The following CEP57 variants were observed in gnomAD, a reference collection of about 807,000 sequenced individuals.
CEP57 encodes the protein centrosomal protein of 57 kDa.
Under a neutral mutation model 68.0 loss-of-function variants are expected in CEP57, and 40 were observed. The observed-to-expected ratio is 0.59, with a 90% CI of 0.46 to 0.77. CEP57 has a LOEUF of 0.77. CEP57 is among the 30% of genes least tolerant of loss of function. The pLI is 0.00. For synonymous variants in CEP57, 219 were observed against 198.7 expected (o/e 1.10, Z -0.86); for missense variants, 606 against 580.7 (o/e 1.04, Z -0.45).
chr11:95,794,224 A>G lies in CEP57; in HGVS notation c.45+3481A>G, dbSNP rs1464697253. 4 of 454,792 alleles carry G rather than the reference A, an allele frequency of 8.8e-6. No homozygotes were observed. In the East Asian group the frequency reaches 2.1e-4, roughly 24 times the overall value. 28.2% of individuals were successfully genotyped at this position (454,792 alleles called of 1,614,324 possible). ...GATTTTTCTTTTTTTTTTCCAGACC[A>G]GAGGCTGGGCTCTGGATTACAGCTC... is the stretch of plus-strand genomic sequence containing the variant. On this transcript the variant is annotated intron_variant, in intron 1 of 10. Transcript: ENST00000325542.
chr11:95,801,621 T>C (rs1414248367), intron 2 of CEP57, among the ~76,000 whole-genome samples: 1 of 151,984 alleles, frequency 6.6e-6, no homozygotes, highest in Non-Finnish European at 1.5e-5. Flanking sequence ...TTGTATCTAG[T>C]TCTGATCTTT....
Position 95,828,035 on chromosome 11 carries a change from T to G in CEP57, c.1127+8T>G, listed in dbSNP as rs377005136. The G allele has an allele frequency of 2.5e-6, 4 of 1,610,782 alleles. No homozygotes were observed. Among genetic ancestry groups the G allele is most frequent in the African/African-American group, 1.3e-5 (1 of 74,770 alleles). ...ATTTGGGCAAATGAGCTTGTGAGTTTTTGTTTTTTTTTTTAAATTCAGTTT... is the reference window on the plus strand; with the variant it reads ...ATTTGGGCAAATGAGCTTGTGAGTTGTTGTTTTTTTTTTTAAATTCAGTTT... On this transcript the variant is annotated splice_region_variant and intron_variant, in intron 9 of 10. Transcript: ENST00000325542.
Position 95,790,724 on chromosome 11 carries a change from C to G in CEP57, c.26C>G (p.Ala9Gly), listed in dbSNP as rs1171650821. Reference sequence around the variant, plus strand: ...ATGGCGGCGGCGTCTGTCTCTGCGGCTTCTGGTTCTCACTTGTCGGTAAGA... The same window carrying G: ...ATGGCGGCGGCGTCTGTCTCTGCGGGTTCTGGTTCTCACTTGTCGGTAAGA... MAAASVSA[A>G]SGSHLSNSFA... Residue 9 changes from alanine (A) to glycine (G), a missense_variant, in exon 1 of 11, where the codon GCT (alanine) becomes GGT (glycine). By Grantham distance (60) the Ala-to-Gly change is moderately conservative. Coordinates refer to ENST00000325542, the MANE Select transcript of CEP57 (RefSeq NM_014679.5). The G allele has an allele frequency of 2.5e-6, 4 of 1,614,130 alleles. No homozygotes were observed. The highest frequency in any genetic ancestry group is 3.4e-6 in the Non-Finnish European group (4 of 1,180,014).
At chr11:95,809,678 T>G (rs1861963855) in intron 2 of CEP57, among the ~76,000 whole-genome samples, 1 of 152,092 alleles carries the variant, frequency 6.6e-6, no homozygotes, top group Admixed American at 6.5e-5. Flanking sequence ...AATAGACCAA[T>G]AGCAGGCTCT....
At chr11:95,811,620 C>A (rs1862065850) in intron 2 of CEP57, among the ~76,000 whole-genome samples, 1 of 149,970 alleles carries the variant, frequency 6.7e-6, no homozygotes, top group African/African-American at 2.5e-5. Flanking sequence ...TTAGGTATAC[C>A]TCTGTGAAAA....
intron 1 of CEP57, among the ~76,000 whole-genome samples, chr11:95,795,729 T>C (rs1204662544): frequency 1.3e-5 from 2 of 152,346 alleles, no homozygotes; most frequent in East Asian, 1.9e-4. Context: ...CTACATTTGT[T>C]GACGATCGTA....
At chr11:95,803,837 G>A (rs1741450245) in intron 2 of CEP57, among the ~76,000 whole-genome samples, 1 of 151,916 alleles carries the variant, frequency 6.6e-6, no homozygotes, top group African/African-American at 2.4e-5. Flanking sequence ...AAAGTCCCAA[G>A]AAGACAAGCA....
Position 95,832,283 on chromosome 11 carries a change from C to T in CEP57, c.*1027C>T, listed in dbSNP as rs917369809. The T allele has an allele frequency of 6.6e-6, 1 of 152,036 alleles. No homozygotes were observed. The highest frequency in any genetic ancestry group is 2.4e-5 in the African/African-American group (1 of 41,420). 9.4% of individuals were successfully genotyped at this position (152,036 alleles called of 1,614,324 possible). A position where few individuals can be genotyped will look rare whatever the true frequency, so the allele number is the denominator to read the frequency against. On this transcript the variant is annotated 3_prime_UTR_variant, in exon 11 of 11. Transcript: ENST00000325542. ...TAATAAAGGCTTTGTGACAAGCTCTCAAAAAATGCATTTCTAAATAGGAGG... is the reference window on the plus strand; with the variant it reads ...TAATAAAGGCTTTGTGACAAGCTCTTAAAAAATGCATTTCTAAATAGGAGG...
In CEP57 at chr11:95,823,801, T is replaced by G. The variant is rs1284783021; in HGVS notation, c.885+1225T>G. On this transcript the variant is annotated intron_variant, in intron 8 of 10. Coordinates refer to ENST00000325542, the MANE Select transcript of CEP57 (RefSeq NM_014679.5). ...TAATCATCTTCAAATGAGCAGTTCATCTCTCCAGTCAATTGTGTATCACAG... is the reference window on the plus strand; with the variant it reads ...TAATCATCTTCAAATGAGCAGTTCAGCTCTCCAGTCAATTGTGTATCACAG... Among the ~76,000 whole-genome samples, 5 of 152,266 alleles carry G rather than the reference T, an allele frequency of 3.3e-5. No homozygotes were observed. In the South Asian group the frequency reaches 1.0e-3, roughly 32 times the overall value.
chr11:95,828,061 A>G (rs749406132), intron 9 of CEP57, 34 bp downstream of exon 9: 1 of 1,593,506 alleles, frequency 6.3e-7, no homozygotes, highest in Non-Finnish European at 8.6e-7. Flanking sequence ...AATTCAGTTT[A>G]GCTCTAAAAC....
At chr11:95,797,403 A>T (rs1488299050) in intron 1 of CEP57, among the ~76,000 whole-genome samples, 1 of 152,016 alleles carries the variant, frequency 6.6e-6, no homozygotes, top group Non-Finnish European at 1.5e-5. Flanking sequence ...CCTGACCTCA[A>T]GTGATCCGCC....
At chr11:95,819,414 C>T (rs1862430911) in intron 6 of CEP57, among the ~76,000 whole-genome samples, 1 of 152,104 alleles carries the variant, frequency 6.6e-6, no homozygotes, top group Non-Finnish European at 1.5e-5. Context: ...GCAGTGGCCA[C>T]CAGATAGAAT....
intron 3 of CEP57, 115 bp from the exon 4 acceptor site, chr11:95,813,353 A>C: frequency 3.9e-6 from 5 of 1,291,782 alleles, no homozygotes; most frequent in Non-Finnish European, 5.4e-6. Context: ...AAAGGCGTCC[A>C]GGTCTGTGGA....
At chr11:95,807,311 C>T (rs1861844936) in intron 2 of CEP57, among the ~76,000 whole-genome samples, 1 of 152,190 alleles carries the variant, frequency 6.6e-6, no homozygotes, top group African/African-American at 2.4e-5. Flanking sequence ...ACCTCTTCTC[C>T]TCCAAAGGAA....
At chr11:95,808,374 C>G (rs973608557) in intron 2 of CEP57, among the ~76,000 whole-genome samples, 3 of 151,798 alleles carry the variant, frequency 2.0e-5, no homozygotes, top group Admixed American at 6.6e-5. Flanking sequence ...ACAATATTAA[C>G]CTTAAATGTA....
At chr11:95,794,168 A>G (rs1861228306) in intron 1 of CEP57, 1 of 434,294 alleles carries the variant, frequency 2.3e-6, no homozygotes, top group East Asian at 7.0e-5. Context: ...TCCTGAGAGA[A>G]AAAGTTTGCA....
chr11:95,801,900 G>A (rs1014757987), intron 2 of CEP57, among the ~76,000 whole-genome samples: 4 of 152,016 alleles, frequency 2.6e-5, no homozygotes, highest in South Asian at 2.1e-4. Context: ...AGCATGATGC[G>A]GTGAACTATT....
At chr11:95,800,763 G>T (rs972397468) in intron 2 of CEP57, among the ~76,000 whole-genome samples, 1 of 152,078 alleles carries the variant, frequency 6.6e-6, no homozygotes, top group Non-Finnish European at 1.5e-5. Flanking sequence ...AAAATTTTCT[G>T]GTTATGTTAT....
At position 95,799,360 on chromosome 11, in the gene CEP57, A is replaced by T. The variant is rs772710410; in HGVS notation, c.174A>T (p.Thr58=). The change falls in exon 2 of 11, where the codon ACA becomes ACT. Residue 58 remains threonine, a synonymous_variant. Coordinates refer to ENST00000325542, the MANE Select transcript of CEP57 (RefSeq NM_014679.5). ...TACGACGCTCCCCAAGTAAGCCTAC[A>T]CTTGCCTATCCAGAAAGCAACAGCA... ...SDLRRSPSKP[T]LAYPESNSRA... The T allele has an allele frequency of 6.2e-7, 1 of 1,613,920 alleles. No homozygotes were observed. Among genetic ancestry groups the T allele is most frequent in the South Asian group, 1.1e-5 (1 of 91,086 alleles).
Sources: allele counts gnomAD v4.1 joint callset (sites outside exome capture counted in the v4.1 genomes callset), GRCh38; gene constraint gnomAD v4.1.1; transcripts MANE v1.5; gene names NCBI Gene and HGNC (gene_info 2026-07-23, HGNC 2026-07-21).